PHF24: variants seen among roughly 807,000 people sequenced by gnomAD.
PHF24 encodes the protein PHD finger protein 24, also known as Galpha inhibitory interacting protein.
PHF24 carries 25 observed loss-of-function variants against 42.6 expected under a neutral mutation model. The ratio of observed to expected loss-of-function variants is 0.59; its 90% CI spans 0.43 to 0.82. PHF24 has a LOEUF of 0.82. Among genes scored for constraint, PHF24 ranks in the 40% least tolerant of loss-of-function variants. The pLI, the probability that PHF24 is intolerant of heterozygous loss-of-function variation, is 0.00. For missense variants in PHF24, 470 were observed against 538.1 expected (o/e 0.87, Z 1.25); for synonymous variants, 185 against 204.8 (o/e 0.90, Z 0.83).
the PHF24 span, among the ~76,000 whole-genome samples, chr9:34,916,665 A>G: frequency 6.6e-6 from 1 of 152,256 alleles, no homozygotes; most frequent in African/African-American, 2.4e-5. Flanking sequence ...AAAGGCATAG[A>G]AAAGCTGTTC....
At chr9:34,925,960 A>G in the PHF24 span, among the ~76,000 whole-genome samples, 8 of 152,320 alleles carry the variant, frequency 5.3e-5, no homozygotes, top group African/African-American at 1.4e-4. Flanking sequence ...GTTTATATGA[A>G]TGGGACCTGG....
At chr9:34,708,230 G>A in the PHF24 span, among the ~76,000 whole-genome samples, 2 of 152,214 alleles carry the variant, frequency 1.3e-5, no homozygotes, top group South Asian at 2.1e-4. Context: ...CTGAATCCTG[G>A]GGTTCTGAAA....
At chr9:34,951,683 T>C in the PHF24 span, among the ~76,000 whole-genome samples, 3 of 152,214 alleles carry the variant, frequency 2.0e-5, no homozygotes, top group African/African-American at 7.2e-5. Context: ...ACCCCTAGAA[T>C]TGTGAGATAA....
At chr9:34,695,649 A>G in the PHF24 span, among the ~76,000 whole-genome samples, 10 of 152,180 alleles carry the variant, frequency 6.6e-5, 1 homozygote, top group Admixed American at 2.6e-4. Flanking sequence ...AAATGATGTC[A>G]GAATTGAACT....
chr9:34,690,346 GGA>G, the PHF24 span: 10 of 1,613,440 alleles, frequency 6.2e-6, no homozygotes, highest in South Asian at 1.1e-4. Flanking sequence ...GTTGGGGCTG[GGA>G]TGGGGAAAGA....
chr9:34,875,005 A>C, the PHF24 span, among the ~76,000 whole-genome samples: 1 of 152,184 alleles, frequency 6.6e-6, no homozygotes, highest in Non-Finnish European at 1.5e-5. Context: ...TAAAATATAC[A>C]ATTATTACTG....
chr9:34,666,504 C>G, the PHF24 span, among the ~76,000 whole-genome samples: 1 of 150,232 alleles, frequency 6.7e-6, no homozygotes, highest in Admixed American at 6.6e-5. Context: ...ACTGAATGGC[C>G]GGAGGGTCAT....
At chr9:34,790,657 A>G in the PHF24 span, among the ~76,000 whole-genome samples, 4 of 152,248 alleles carry the variant, frequency 2.6e-5, no homozygotes, top group Admixed American at 6.5e-5. Context: ...GTAAATGGAG[A>G]CAGAAAATAA....
At chr9:34,849,261 C>T in the PHF24 span, among the ~76,000 whole-genome samples, 1 of 152,130 alleles carries the variant, frequency 6.6e-6, no homozygotes, top group East Asian at 1.9e-4. Context: ...TCACTCAGGA[C>T]TTGCTTTATG....
the PHF24 span, among the ~76,000 whole-genome samples, chr9:34,804,259 T>C: frequency 3.9e-5 from 6 of 152,024 alleles, no homozygotes; most frequent in African/African-American, 1.4e-4. Context: ...AGTTGATGAG[T>C]AAGTTTGAGG....
the PHF24 span, among the ~76,000 whole-genome samples, chr9:34,950,073 A>C: frequency 6.6e-6 from 1 of 152,094 alleles, no homozygotes; most frequent in Non-Finnish European, 1.5e-5. Flanking sequence ...AACCACATGA[A>C]AAATAAAATT....
the PHF24 span, among the ~76,000 whole-genome samples, chr9:34,840,510 T>TTCC: frequency 6.8e-6 from 1 of 147,606 alleles, no homozygotes; most frequent in Admixed American, 6.8e-5. Flanking sequence ...CCTTCCTTCC[T>TTCC]TCCTCCTCCT....
chr9:34,832,824 T>G, the PHF24 span: 1 of 1,551,596 alleles, frequency 6.4e-7, no homozygotes, highest in East Asian at 2.4e-5. Context: ...GGCACCACAG[T>G]CTGGGTATTC....
At chr9:34,819,939 C>T in the PHF24 span, among the ~76,000 whole-genome samples, 1 of 151,992 alleles carries the variant, frequency 6.6e-6, no homozygotes, top group Admixed American at 6.6e-5. Flanking sequence ...GCAATTCTAT[C>T]AGGTTTTGTT....
the PHF24 span, among the ~76,000 whole-genome samples, chr9:34,885,997 A>G: frequency 2.0e-5 from 3 of 150,430 alleles, no homozygotes; most frequent in African/African-American, 7.4e-5. Flanking sequence ...CTGTGCCCAC[A>G]CTCCCTTATA....
chr9:34,695,382 C>A, the PHF24 span, among the ~76,000 whole-genome samples: 1 of 152,198 alleles, frequency 6.6e-6, no homozygotes, highest in Non-Finnish European at 1.5e-5. Context: ...TCTATGCATC[C>A]CTTTCATCTG....
chr9:34,817,190 A>G, the PHF24 span, among the ~76,000 whole-genome samples: 1 of 152,216 alleles, frequency 6.6e-6, no homozygotes, highest in Non-Finnish European at 1.5e-5. Context: ...CTCAATGACT[A>G]ATAATGCAGA....
intron 1 of PHF24, among the ~76,000 whole-genome samples, chr9:34,969,246 G>A (rs1339800317): frequency 1.3e-5 from 2 of 152,162 alleles, no homozygotes; most frequent in African/African-American, 4.8e-5. Context: ...GAATGTCCCA[G>A]GGACATCTTT....
the PHF24 span, among the ~76,000 whole-genome samples, chr9:34,752,812 A>C: frequency 6.6e-6 from 1 of 152,130 alleles, no homozygotes; most frequent in South Asian, 2.1e-4. Context: ...ACCAAATTCA[A>C]CAATGCATTG....
Sources: gnomAD v4.1 joint callset for allele counts (sites outside exome capture counted in the v4.1 genomes callset) on GRCh38, gnomAD v4.1.1 for gene constraint, MANE v1.5 for transcripts, NCBI Gene and HGNC (gene_info 2026-07-23, HGNC 2026-07-21) for gene names.